MROH7: variants seen among roughly 807,000 people sequenced by gnomAD.
The protein encoded by MROH7 is maestro heat like repeat family member 7.
A neutral mutation model predicts 129.2 loss-of-function variants in MROH7; 113 were observed. The observed-to-expected ratio is 0.87, with a 90% CI of 0.75 to 1.02. The LOEUF is 1.02. Ranked by LOEUF, MROH7 falls within the 50% of genes least tolerant of loss-of-function variation. The pLI is 0.00. For missense variants in MROH7, 1,601 were observed against 1,671.3 expected, an observed-to-expected ratio of 0.96 and a Z score of 0.73; for synonymous variants, 655 against 667.9, an observed-to-expected ratio of 0.98 and a Z score of 0.30.
intron 1 of MROH7, among the ~76,000 whole-genome samples, chr1:54,646,148 G>T (rs1557686005): frequency 6.6e-6 from 1 of 152,228 alleles, no homozygotes; most frequent in African/African-American, 2.4e-5. Flanking sequence ...TATCACTGGA[G>T]TGGGTGGGGG....
chr1:54,674,021 C>A lies in MROH7; in HGVS notation c.1806C>A (p.Pro602=). The change falls in exon 10 of 24, where the codon CCC becomes CCA. Residue 602 remains proline (P), a synonymous_variant. Coordinates refer to ENST00000421030, the MANE Select transcript of MROH7 (RefSeq NM_001039464.4). ...HMLLTLPFFM[P]LGFPALGLLL... is the part of the protein sequence containing the mutation. Reference sequence around the variant, plus strand: ...TAAGATTGCAATACAAACAGATGCCCTTGGGGTTCCCGGCGCTGGGGCTTC... The same window carrying A: ...TAAGATTGCAATACAAACAGATGCCATTGGGGTTCCCGGCGCTGGGGCTTC... 6.2e-7 allele frequency: 1 copy of A among 1,613,972 alleles called. No homozygotes were observed. Among genetic ancestry groups the A allele is most frequent in the Non-Finnish European group, 8.5e-7 (1 of 1,179,946 alleles).
chr1:54,644,092 T>C (rs1425297302), intron 1 of MROH7, among the ~76,000 whole-genome samples: 1 of 152,216 alleles, frequency 6.6e-6, no homozygotes, highest in East Asian at 1.9e-4. Flanking sequence ...TGTATATTTA[T>C]GTTTTTTACT....
At chr1:54,656,765 C>T (rs376184107) in intron 3 of MROH7, among the ~76,000 whole-genome samples, 4 of 151,924 alleles carry the variant, frequency 2.6e-5, no homozygotes, top group South Asian at 4.1e-4. Flanking sequence ...AAGCCAAGAT[C>T]GTGCCACTAC....
chr1:54,692,599 G>A (rs367814629), intron 16 of MROH7, 38 bp downstream of exon 16: 18 of 1,327,972 alleles, frequency 1.4e-5, no homozygotes, highest in Middle Eastern at 2.3e-4. Context: ...GGGTGGGAGG[G>A]AGAAAGAGGG....
At chr1:54,699,161 T>TCTGTCTGTCTGTG (rs1553176968) in intron 17 of MROH7, 114 of 113,498 alleles carry the variant, frequency 1.0e-3, no homozygotes, top group African/African-American at 3.7e-3. Flanking sequence ...TTTCTTTCTT[T>TCTGTCTGTCTGTG]TCTTTCTTTC....
rs1157748080 is a variant in MROH7 at position 54,696,659 on chromosome 1, C to CTTTT, written c.2964+1196_2964+1199dup. The stretch of plus-strand genomic sequence containing the variant: ...TGTTGCATGCATCACAATTTCCTTA[C>CTTTT]TTTTTTTTTTTTTTTTTTTTTTTTT... On this transcript the variant is annotated intron_variant, in intron 17 of 23. Transcript: ENST00000421030. Among the ~76,000 whole-genome samples the CTTTT allele has an allele frequency of 6.1e-3, 410 of 66,866 alleles. 6 individuals carry two copies. Among genetic ancestry groups the CTTTT allele is most frequent in the Middle Eastern group, 0.011 (1 of 88 alleles). The allele number at this position is 66,866 out of a possible 152,430, so 43.9% of individuals were successfully genotyped here.
intron 4 of MROH7, among the ~76,000 whole-genome samples, chr1:54,665,455 G>A (rs796753710): frequency 3.3e-5 from 5 of 152,186 alleles, no homozygotes; most frequent in African/African-American, 4.8e-5. Flanking sequence ...TCCATTACTC[G>A]GGCATTTTTG....
intron 3 of MROH7, among the ~76,000 whole-genome samples, chr1:54,660,967 T>C (rs1644722966): frequency 6.6e-6 from 1 of 152,090 alleles, no homozygotes; most frequent in Non-Finnish European, 1.5e-5. Context: ...TATTGTCAAT[T>C]TGCGTATCCT....
chr1:54,647,572 G>A (rs547317156), intron 1 of MROH7, among the ~76,000 whole-genome samples: 2 of 151,814 alleles, frequency 1.3e-5, no homozygotes, highest in African/African-American at 2.4e-5. Flanking sequence ...AAACCCCGTC[G>A]CTACTAAAAA....
chr1:54,654,230 G>A lies in MROH7; in HGVS notation c.1231+73G>A. 2.1e-6 allele frequency: 3 copies of A among 1,410,058 alleles called. No homozygotes were observed. In the South Asian group the frequency reaches 4.4e-5, roughly 21 times the overall value. The allele number at this position is 1,410,058 out of a possible 1,614,324, so 87.3% of individuals were successfully genotyped here. A position where few individuals can be genotyped will look rare whatever the true frequency, so the allele number is the denominator to read the frequency against. Reference sequence around the variant, plus strand: ...TCTGTCTTCAGACTCTTAGGGCAGGGAGAGGAGAAGGAAGGAAGGGGACAG... The same window carrying A: ...TCTGTCTTCAGACTCTTAGGGCAGGAAGAGGAGAAGGAAGGAAGGGGACAG... On this transcript the variant is annotated intron_variant, in intron 3 of 23. Coordinates refer to ENST00000421030, the MANE Select transcript of MROH7 (RefSeq NM_001039464.4).
In MROH7 at chr1:54,665,182, T is replaced by G. The variant is rs750310367; in HGVS notation, c.1247T>G (p.Val416Gly). The change falls in exon 4 of 24, where the codon GTG (valine) becomes GGG (glycine). Residue 416 changes from valine to glycine, a missense_variant. Transcript: ENST00000421030. ...TGCCCTGCAGGAGCCTTTGATGAAG[T>G]GACCTCATGCCTGGTGAAGGTGCCA... ...QGIPEGAFDE[V>G]TSCLVKVPEK... is the part of the protein sequence containing the mutation. The G allele has an allele frequency of 8.1e-6, 13 of 1,613,740 alleles. No individual in the cohort carries two copies. In the East Asian group the frequency reaches 2.9e-4, roughly 36 times the overall value.
rs145271096 is a variant in MROH7 at position 54,686,513 on chromosome 1, C to T, written c.2711+65C>T. 1.1e-3 allele frequency: 1,622 copies of T among 1,467,598 alleles called. 4 individuals carry two copies. The highest frequency in any genetic ancestry group is 1.4e-3 in the Non-Finnish European group (1,505 of 1,065,144). 90.9% of individuals were successfully genotyped at this position (1,467,598 alleles called of 1,614,324 possible). ...GGTGGGAAGGGCCATCCAGTCAGAG[C>T]CTCCAAAAGTCTCAGGGGCAATCAA... On this transcript the variant is annotated intron_variant, in intron 15 of 23. Transcript: ENST00000421030.
intron 3 of MROH7, among the ~76,000 whole-genome samples, chr1:54,656,710 T>G (rs2101074838): frequency 6.6e-6 from 1 of 151,908 alleles, no homozygotes. Flanking sequence ...TAATCCCAGC[T>G]ACTTAGGAGG....
At chr1:54,649,311 A>G (rs1049940278) in intron 1 of MROH7, among the ~76,000 whole-genome samples, 2 of 152,360 alleles carry the variant, frequency 1.3e-5, no homozygotes, top group South Asian at 2.1e-4. Flanking sequence ...TGACCTTTCC[A>G]TCTGGGGCTC....
chr1:54,689,910 C>T (rs1489526439), intron 15 of MROH7, among the ~76,000 whole-genome samples: 3 of 152,104 alleles, frequency 2.0e-5, no homozygotes, highest in Admixed American at 1.3e-4. Context: ...GCAGGAGGGT[C>T]GTGTGAGTCC....
intron 4 of MROH7, among the ~76,000 whole-genome samples, chr1:54,668,432 C>A (rs779830233): frequency 6.6e-6 from 1 of 152,118 alleles, no homozygotes; most frequent in South Asian, 2.1e-4. Flanking sequence ...ATGATGAGAA[C>A]GGAGAGATTA....
chr1:54,647,741 GA>G (rs34697494), intron 1 of MROH7, among the ~76,000 whole-genome samples: 16 of 141,340 alleles, frequency 1.1e-4, no homozygotes, highest in Admixed American at 3.5e-4. Context: ...ACTCTGTATT[GA>G]AAAAAAAAAA....
intron 1 of MROH7, among the ~76,000 whole-genome samples, chr1:54,648,844 G>C (rs1028594264): frequency 1.3e-5 from 2 of 152,202 alleles, no homozygotes; most frequent in African/African-American, 2.4e-5. Flanking sequence ...TTTGAGAGCT[G>C]TTCTGGAGCC....
chr1:54,642,176 C>T (rs1421253718), intron 1 of MROH7, among the ~76,000 whole-genome samples: 1 of 152,118 alleles, frequency 6.6e-6, no homozygotes, highest in Non-Finnish European at 1.5e-5. Context: ...CCCAGCCTGC[C>T]CTCACCCAGG....
Sources: gnomAD v4.1 joint callset for allele counts (sites outside exome capture counted in the v4.1 genomes callset) on GRCh38, gnomAD v4.1.1 for gene constraint, MANE v1.5 for transcripts, NCBI Gene and HGNC (gene_info 2026-07-23, HGNC 2026-07-21) for gene names.